Variants in PRKG1 observed in about 807,000 individuals in gnomAD.
PRKG1 encodes the protein protein kinase cGMP-dependent 1.
A neutral mutation model predicts 88.1 loss-of-function variants in PRKG1; 35 were observed. That is an observed-to-expected ratio of 0.40 (90% CI 0.30 to 0.53). PRKG1 has a LOEUF of 0.53. Ranked by LOEUF, PRKG1 falls within the 20% of genes least tolerant of loss-of-function variation. The pLI is 0.59. For missense variants in PRKG1, 540 were observed against 839.8 expected, an observed-to-expected ratio of 0.64 and a Z score of 4.41; for synonymous variants, 303 against 292.5, an observed-to-expected ratio of 1.04 and a Z score of -0.37.
intron 2 of PRKG1, among the ~76,000 whole-genome samples, chr10:51,278,479 T>A (rs1027797228): frequency 3.9e-5 from 6 of 152,150 alleles, no homozygotes; most frequent in Admixed American, 6.6e-5. Context: ...AAAATGAGTT[T>A]GGGAGGATTC....
intron 2 of PRKG1, among the ~76,000 whole-genome samples, chr10:51,417,475 G>A (rs964401928): frequency 1.3e-5 from 2 of 152,202 alleles, no homozygotes; most frequent in African/African-American, 4.8e-5. Flanking sequence ...ATGATATACT[G>A]TGGAGAATGT....
At chr10:51,699,902 G>A (rs1023882163) in intron 3 of PRKG1, among the ~76,000 whole-genome samples, 2 of 152,232 alleles carry the variant, frequency 1.3e-5, no homozygotes, top group Non-Finnish European at 2.9e-5. Flanking sequence ...GTAGTAACTG[G>A]GAGGGGACTC....
At chr10:51,061,047 T>C in intron 1 of PRKG1, among the ~76,000 whole-genome samples, 1 of 66,100 alleles carries the variant, frequency 1.5e-5, no homozygotes, top group East Asian at 3.5e-4. Context: ...AGTTTTACTG[T>C]GTTATACCTA....
At chr10:51,852,674 A>G (rs1030368238) in intron 4 of PRKG1, among the ~76,000 whole-genome samples, 2 of 152,182 alleles carry the variant, frequency 1.3e-5, no homozygotes, top group Admixed American at 1.3e-4. Context: ...CATATATACC[A>G]TATAAATTAA....
chr10:51,278,824 T>G (rs1391284638), intron 2 of PRKG1, among the ~76,000 whole-genome samples: 9 of 152,134 alleles, frequency 5.9e-5, no homozygotes, highest in Non-Finnish European at 1.0e-4. Context: ...TTTTATTGCG[T>G]CTATTTGATT....
At position 51,829,049 on chromosome 10, in the gene PRKG1, C is replaced by T. The variant is rs370967050; in HGVS notation, c.698+24359C>T. 1.1e-3 allele frequency among the ~76,000 whole-genome samples: 173 copies of T among 152,226 alleles called. No homozygotes were observed. In the Middle Eastern group the frequency reaches 0.017, roughly 15 times the overall value. On this transcript the variant is annotated intron_variant, in intron 4 of 17. Transcript: ENST00000373980. ...CATGAAGTTGCAATCAGCTATTGCC[C>T]AGGTTGCAGTCTCATCTGAAGCCTC...
rs570506830 is a variant in PRKG1, at chr10:51,821,470, T to TA, written c.698+16787dup. On this transcript the variant is annotated intron_variant, in intron 4 of 17. Coordinates refer to ENST00000373980, the MANE Select transcript of PRKG1 (RefSeq NM_006258.4). ...AACTAATTTATGCTCCTAAAAAATA[T>TA]AAAAAAAGAGGTTTGTTCCAGATCC... Among the ~76,000 whole-genome samples, 84 of 152,108 alleles carry TA rather than the reference T, an allele frequency of 5.5e-4. 1 individual carries two copies. The East Asian group carries it at 0.013, about 24-fold the overall frequency.
intron 3 of PRKG1, among the ~76,000 whole-genome samples, chr10:51,580,115 C>A (rs960408490): frequency 4.6e-5 from 7 of 152,064 alleles, no homozygotes; most frequent in African/African-American, 1.7e-4. Flanking sequence ...TGTGAGTGTT[C>A]ATGAGATTTA....
At position 51,933,271 on chromosome 10, in the gene PRKG1, C is replaced by G. The variant is rs1842732926; in HGVS notation, c.762+25701C>G. Among the ~76,000 whole-genome samples, 3 of 152,134 alleles carry G rather than the reference C, an allele frequency of 2.0e-5. 1 individual carries two copies. In the South Asian group the frequency reaches 6.2e-4, roughly 32 times the overall value. On this transcript the variant is annotated intron_variant, in intron 5 of 17. Transcript: ENST00000373980. ...CTAATTTCTTTTTAAGCCAAAAAAT[C>G]CAGATTTTTATATGAAATCCAGAGT... is the stretch of plus-strand genomic sequence containing the variant.
intron 4 of PRKG1, among the ~76,000 whole-genome samples, chr10:51,821,352 T>G (rs1839740168): frequency 6.6e-6 from 1 of 152,102 alleles, no homozygotes; most frequent in African/African-American, 2.4e-5. Flanking sequence ...TCATTTCTCT[T>G]AAGTATATAC....
chr10:52,017,634 T>C (rs930245722), intron 5 of PRKG1, among the ~76,000 whole-genome samples: 5 of 152,188 alleles, frequency 3.3e-5, no homozygotes, highest in African/African-American at 1.2e-4. Context: ...AAAGTTTAGA[T>C]ATGATACTTG....
intron 4 of PRKG1, among the ~76,000 whole-genome samples, chr10:51,805,678 A>G (rs1037444735): frequency 1.3e-5 from 2 of 152,112 alleles, no homozygotes; most frequent in Non-Finnish European, 2.9e-5. Flanking sequence ...ATACATCTTA[A>G]TAGGTAACTA....
In PRKG1 at chr10:52,057,196, G is replaced by A. The variant is rs995558353; in HGVS notation, c.840+2635G>A. Among the ~76,000 whole-genome samples, 24 of 152,308 alleles carry A rather than the reference G, an allele frequency of 1.6e-4. No individual in the cohort carries two copies. The South Asian group carries it at 1.9e-3, about 12-fold the overall frequency. ...CTACAAATGAAATTCCCCTTGTTCA[G>A]TTCCACTTATTTAAGTGTAAAACAA... On this transcript the variant is annotated intron_variant, in intron 6 of 17. Transcript: ENST00000373980.
At chr10:51,737,766 T>G (rs1253860140) in intron 3 of PRKG1, among the ~76,000 whole-genome samples, 3 of 126,144 alleles carry the variant, frequency 2.4e-5, no homozygotes, top group Non-Finnish European at 5.2e-5. Flanking sequence ...ATTATTATTA[T>G]TATTATTATT....
At chr10:51,865,361 T>A (rs969981379) in intron 4 of PRKG1, among the ~76,000 whole-genome samples, 3 of 152,066 alleles carry the variant, frequency 2.0e-5, no homozygotes, top group Non-Finnish European at 4.4e-5. Flanking sequence ...ATAGGTATAA[T>A]TTACAACAAG....
At chr10:52,239,711 G>C (rs1263155873) in intron 9 of PRKG1, among the ~76,000 whole-genome samples, 1 of 151,994 alleles carries the variant, frequency 6.6e-6, no homozygotes, top group Non-Finnish European at 1.5e-5. Context: ...AAGTGTTACA[G>C]CAGCATTCAT....
chr10:51,605,469 A>G (rs1838739850), intron 3 of PRKG1, among the ~76,000 whole-genome samples: 1 of 152,172 alleles, frequency 6.6e-6, no homozygotes, highest in African/African-American at 2.4e-5. Context: ...GGAAACAGAC[A>G]TATGTGCTTG....
At chr10:52,262,865 G>A (rs1243018790) in intron 10 of PRKG1, among the ~76,000 whole-genome samples, 1 of 152,014 alleles carries the variant, frequency 6.6e-6, no homozygotes, top group Non-Finnish European at 1.5e-5. Flanking sequence ...CAAATGTTAT[G>A]TAAGTAGCTG....
chr10:51,630,337 C>T (rs1387374061), intron 3 of PRKG1, among the ~76,000 whole-genome samples: 1 of 152,142 alleles, frequency 6.6e-6, no homozygotes, highest in Non-Finnish European at 1.5e-5. Flanking sequence ...GTCTAGGTGA[C>T]GTTTCTCAGC....
Sources: allele counts gnomAD v4.1 joint callset (sites outside exome capture counted in the v4.1 genomes callset), GRCh38; gene constraint gnomAD v4.1.1; transcripts MANE v1.5; gene names NCBI Gene and HGNC (gene_info 2026-07-23, HGNC 2026-07-21).